The following HSPBAP1 variants were observed in gnomAD, a reference collection of about 807,000 sequenced individuals.
The protein encoded by HSPBAP1 is HSPB1-associated protein 1.
In HSPBAP1, 27 loss-of-function variants were observed where a neutral mutation model predicts 45.2. The observed-to-expected ratio is 0.60, with a 90% CI of 0.44 to 0.82. The LOEUF (loss-of-function observed/expected upper bound fraction) is 0.82. Ranked by LOEUF, HSPBAP1 falls within the 40% of genes least tolerant of loss-of-function variation. The pLI is 0.00. For missense variants in HSPBAP1, 510 were observed against 590.9 expected (o/e 0.86, Z 1.42); for synonymous variants, 204 against 202.7 (o/e 1.01, Z -0.06).
intron 6 of HSPBAP1, among the ~76,000 whole-genome samples, chr3:122,742,262 G>A (rs1438740771): frequency 6.6e-6 from 1 of 151,708 alleles, no homozygotes; most frequent in East Asian, 1.9e-4. Flanking sequence ...CCTTAACACA[G>A]TATTATATCA....
At chr3:122,790,106 G>A (rs780850572) in intron 1 of HSPBAP1, among the ~76,000 whole-genome samples, 1 of 152,060 alleles carries the variant, frequency 6.6e-6, no homozygotes, top group South Asian at 2.1e-4. Context: ...CAAGCGATCT[G>A]CCTGCCTCGC....
At position 122,740,740 on chromosome 3, in the gene HSPBAP1, C is replaced by T; in HGVS notation, c.1072G>A (p.Glu358Lys). Residue 358 changes from glutamate (E) to lysine (K), a missense_variant, in exon 8 of 8, where the codon GAA becomes AAA. Physicochemically the swap from Glu to Lys is moderately conservative, Grantham distance 56. Coordinates refer to ENST00000306103, the MANE Select transcript of HSPBAP1 (RefSeq NM_024610.6). ...TCCATGTGGTTGCACACATTTAATT[C>T]TTCCTTTTTCATGTGCTCTCCATCT... ...RTDGEHMKKE[E>K]LNVCNHMEVG... The T allele has an allele frequency of 6.2e-7, 1 of 1,614,140 alleles. No individual in the cohort carries two copies. The highest frequency in any genetic ancestry group is 8.5e-7 in the Non-Finnish European group (1 of 1,180,036).
intron 1 of HSPBAP1, among the ~76,000 whole-genome samples, chr3:122,780,274 G>A (rs1477416339): frequency 4.5e-5 from 3 of 66,856 alleles, no homozygotes; most frequent in Admixed American, 2.8e-4. Flanking sequence ...GCGGCTGGCC[G>A]GGCGGGGGGC....
intron 1 of HSPBAP1, among the ~76,000 whole-genome samples, chr3:122,792,170 G>A (rs1339623730): frequency 6.6e-6 from 1 of 152,156 alleles, no homozygotes; most frequent in Non-Finnish European, 1.5e-5. Flanking sequence ...AGGATCAGAG[G>A]GATCTCAAGC....
rs540079004 is a variant in HSPBAP1, at chr3:122,752,516, A to G, written c.825+75T>C. ...AAAAAAATTAATTACCCAGTTGTAC[A>G]GCCAGACCTTATATATCTTTTAAAA... On this transcript the variant is annotated intron_variant, in intron 6 of 7. Transcript: ENST00000306103. 4.9e-5 allele frequency: 43 copies of G among 877,026 alleles called. No individual in the cohort carries two copies. In the African/African-American group the frequency reaches 6.7e-4, roughly 14 times the overall value. The allele number at this position is 877,026 out of a possible 1,614,324, so 54.3% of individuals were successfully genotyped here.
chr3:122,758,012 CAG>C (rs1174862396), intron 4 of HSPBAP1, among the ~76,000 whole-genome samples: 2 of 152,218 alleles, frequency 1.3e-5, no homozygotes, highest in Admixed American at 6.5e-5. Flanking sequence ...CGGAATGCAT[CAG>C]AGAGTGGACT....
rs1935181637 is a variant in HSPBAP1, at chr3:122,775,985, C to T, written c.250+1736G>A. The stretch of plus-strand genomic sequence containing the variant: ...TTACAACATGGATGAACCTTCAAAA[C>T]ATACTAAATGAAAGAAGCCAGGCAC... On this transcript the variant is annotated intron_variant, in intron 2 of 7. Transcript: ENST00000306103. 2.0e-5 allele frequency among the ~76,000 whole-genome samples: 3 copies of T among 152,100 alleles called. 1 individual carries two copies. The highest frequency in any genetic ancestry group is 2.0e-4 in the Admixed American group (3 of 15,266).
intron 2 of HSPBAP1, among the ~76,000 whole-genome samples, chr3:122,776,893 T>A (rs1935208382): frequency 1.3e-5 from 2 of 152,216 alleles, no homozygotes; most frequent in South Asian, 4.1e-4. Context: ...CTGGGGACTT[T>A]TCTAGTTCTC....
intron 1 of HSPBAP1, among the ~76,000 whole-genome samples, chr3:122,789,956 A>T (rs1935772509): frequency 6.6e-6 from 1 of 150,616 alleles, no homozygotes; most frequent in African/African-American, 2.5e-5. Context: ...TCCGCTTCAC[A>T]GGTTCAAACG....
chr3:122,770,412 A>G lies in HSPBAP1; in HGVS notation c.251-1530T>C, dbSNP rs79855926. Among the ~76,000 whole-genome samples the G allele has an allele frequency of 9.9e-3, 1,515 of 152,264 alleles. 30 individuals are homozygous for G. Among genetic ancestry groups the G allele is most frequent in the African/African-American group, 0.034 (1,402 of 41,542 alleles). ...ATATACATAAACTCTTAACATACCA[A>G]CATTGGCCAGGCGTAGTGGAACATG... On this transcript the variant is annotated intron_variant, in intron 2 of 7. Coordinates refer to ENST00000306103, the MANE Select transcript of HSPBAP1 (RefSeq NM_024610.6).
At chr3:122,763,755 A>C (rs1934680722) in intron 3 of HSPBAP1, among the ~76,000 whole-genome samples, 1 of 152,246 alleles carries the variant, frequency 6.6e-6, no homozygotes, top group Non-Finnish European at 1.5e-5. Flanking sequence ...TTTCTTATGA[A>C]AATACATTTT....
chr3:122,775,007 G>A (rs1259925625), intron 2 of HSPBAP1, among the ~76,000 whole-genome samples: 10 of 151,810 alleles, frequency 6.6e-5, no homozygotes, highest in African/African-American at 2.4e-4. Flanking sequence ...AAACTTGTAA[G>A]CAATCTAAAT....
In HSPBAP1 at chr3:122,777,871, T is replaced by C; in HGVS notation, c.100A>G (p.Lys34Glu). ...TGTTGTAAAGACATGATAATTTCTTTTGCTTTCTCTGGCTTAAAAGGTTTG... is the reference window on the plus strand; with the variant it reads ...TGTTGTAAAGACATGATAATTTCTTCTGCTTTCTCTGGCTTAAAAGGTTTG... ...HVKPFKPEKAKEIIMSLQQPA... is the reference protein window; with the variant it reads ...HVKPFKPEKAEEIIMSLQQPA... Residue 34 changes from lysine to glutamate, a missense_variant, in exon 2 of 8, where the codon AAA (lysine) becomes GAA (glutamate). By Grantham distance (56) the Lys-to-Glu change is moderately conservative. Coordinates refer to ENST00000306103, the MANE Select transcript of HSPBAP1 (RefSeq NM_024610.6). 6.2e-7 allele frequency: 1 copy of C among 1,613,606 alleles called. No individual in the cohort carries two copies. Among genetic ancestry groups the C allele is most frequent in the Non-Finnish European group, 8.5e-7 (1 of 1,179,688 alleles).
intron 1 of HSPBAP1, among the ~76,000 whole-genome samples, chr3:122,784,334 A>T (rs77946779): frequency 0.054 from 8,255 of 152,338 alleles, 290 homozygotes; most frequent in Middle Eastern, 0.11. Context: ...ACTCATGTTA[A>T]AGGAATTTAC....
chr3:122,759,192 C>CAT, intron 4 of HSPBAP1, 32 bp downstream of exon 4: 1 of 1,562,816 alleles, frequency 6.4e-7, no homozygotes, highest in South Asian at 1.1e-5. Flanking sequence ...GTTCCACACA[C>CAT]ACACACACAC....
chr3:122,773,166 T>C (rs901614501), intron 2 of HSPBAP1, among the ~76,000 whole-genome samples: 3 of 151,994 alleles, frequency 2.0e-5, no homozygotes, highest in Non-Finnish European at 4.4e-5. Flanking sequence ...CTTCATAATA[T>C]ATATGAAGAA....
At chr3:122,780,871 C>T (rs569130087) in intron 1 of HSPBAP1, among the ~76,000 whole-genome samples, 21,581 of 77,356 alleles carry the variant, frequency 0.28, 1,937 homozygotes, top group Non-Finnish European at 0.37. Flanking sequence ...CCTCACCTCC[C>T]AGACGGGGTC....
chr3:122,787,658 A>G (rs557092202), intron 1 of HSPBAP1, among the ~76,000 whole-genome samples: 1 of 152,350 alleles, frequency 6.6e-6, no homozygotes, highest in Non-Finnish European at 1.5e-5. Flanking sequence ...GAATGTATAC[A>G]TCTAAGTGTA....
chr3:122,767,568 TGACAACAACAAC>T (rs1430766702), intron 3 of HSPBAP1, among the ~76,000 whole-genome samples: 1 of 151,408 alleles, frequency 6.6e-6, no homozygotes, highest in Non-Finnish European at 1.5e-5. Flanking sequence ...AAAACAACAA[TGACAACAACAAC>T]AAAAAAAACA....
Sources: gnomAD v4.1 joint callset for allele counts (sites outside exome capture counted in the v4.1 genomes callset) on GRCh38, gnomAD v4.1.1 for gene constraint, MANE v1.5 for transcripts, NCBI Gene and HGNC (gene_info 2026-07-23, HGNC 2026-07-21) for gene names.